GLB1L3: variants seen among roughly 807,000 people sequenced by gnomAD.
GLB1L3 encodes the protein beta-galactosidase-1-like protein 3.
GLB1L3 carries 89 observed loss-of-function variants against 89.5 expected under a neutral mutation model. That is an observed-to-expected ratio of 0.99 (90% CI 0.84 to 1.19). The LOEUF is 1.19. Ranked by LOEUF, GLB1L3 falls within the 50% of genes most tolerant of loss-of-function variation. The probability of loss-of-function intolerance (pLI) is 0.00; values close to 1 mark genes in which losing one functional copy is unlikely to be tolerated. For missense variants in GLB1L3, 812 were observed against 813.3 expected (o/e 1.00, Z 0.02); for synonymous variants, 314 against 312.3 (o/e 1.01, Z -0.06).
rs765838500 is a variant in GLB1L3, at chr11:134,293,111, A to G, written c.812-34A>G. On this transcript the variant is annotated intron_variant, in intron 8 of 19. Transcript: ENST00000431683. ...TCCCTTCCCTGACAGCACTTGTCTCATGCCTCAGCTGGGTCTCTCTCTTCT... is the reference window on the plus strand; with the variant it reads ...TCCCTTCCCTGACAGCACTTGTCTCGTGCCTCAGCTGGGTCTCTCTCTTCT... 5.0e-6 allele frequency: 8 copies of G among 1,594,730 alleles called. No individual in the cohort carries two copies. The South Asian group carries it at 6.6e-5, about 13-fold the overall frequency.
intron 9 of GLB1L3, among the ~76,000 whole-genome samples, chr11:134,293,567 G>A (rs1485870149): frequency 1.3e-5 from 2 of 152,212 alleles, no homozygotes; most frequent in Non-Finnish European, 2.9e-5. Flanking sequence ...AGCCTTTCCC[G>A]CCACAGCTTA....
At chr11:134,301,715 G>T (rs1941958381) in intron 9 of GLB1L3, among the ~76,000 whole-genome samples, 1 of 151,822 alleles carries the variant, frequency 6.6e-6, no homozygotes, top group Non-Finnish European at 1.5e-5. Context: ...CATTTTATCT[G>T]TATGTTTTAT....
intron 16 of GLB1L3, 36 bp from the exon 17 acceptor site, chr11:134,313,905 C>A: frequency 1.5e-6 from 2 of 1,317,888 alleles, no homozygotes; most frequent in Non-Finnish European, 2.2e-6. Flanking sequence ...AGTCCTGGCT[C>A]ATATTCTCTT....
At chr11:134,308,312 TACC>T (rs1161364321) in intron 10 of GLB1L3, among the ~76,000 whole-genome samples, 3 of 19,646 alleles carry the variant, frequency 1.5e-4, no homozygotes, top group African/African-American at 5.3e-4. Flanking sequence ...CCACCACCAC[TACC>T]ACCACCATCA....
Position 134,282,026 on chromosome 11 carries a change from G to A in GLB1L3, c.433G>A (p.Ala145Thr), listed in dbSNP as rs1591533477. The change falls in exon 5 of 20, where the codon GCC (alanine) becomes ACC (threonine). Residue 145 changes from alanine (A) to threonine (T), a missense_variant and splice_region_variant. Around this residue, in one of 3 missense-constraint regions of GLB1L3, gnomAD observed 191 missense variants for 191.4 expected, o/e 1.00. Coordinates refer to ENST00000431683, the MANE Select transcript of GLB1L3 (RefSeq NM_001080407.3). ...GGCTGACGATGTGGACCTCCCTAGG[G>A]CCTTCGTCCTGATGGCCGCAGAGAT... ...FDFSGNLDLE[A>T]FVLMAAEIGL... 1.3e-6 allele frequency: 2 copies of A among 1,569,902 alleles called. No homozygotes were observed. The highest frequency in any genetic ancestry group is 2.3e-5 in the East Asian group (1 of 43,566).
intron 10 of GLB1L3, among the ~76,000 whole-genome samples, chr11:134,307,640 A>G (rs540718422): frequency 2.0e-5 from 3 of 151,858 alleles, no homozygotes; most frequent in South Asian, 2.1e-4. Flanking sequence ...GGCATTGTCA[A>G]CTAAGCACTA....
intron 3 of GLB1L3, among the ~76,000 whole-genome samples, chr11:134,280,149 T>C (rs928845557): frequency 1.3e-5 from 2 of 152,040 alleles, no homozygotes; most frequent in Non-Finnish European, 2.9e-5. Flanking sequence ...TATTAGCTAT[T>C]TGGGAATACG....
chr11:134,277,449 T>C lies in GLB1L3; in HGVS notation c.147T>C (p.Pro49=), dbSNP rs753628808. 1 of 1,611,950 alleles carries C rather than the reference T, an allele frequency of 6.2e-7. No individual in the cohort carries two copies. The highest frequency in any genetic ancestry group is 8.5e-7 in the Non-Finnish European group (1 of 1,178,710). The change falls in exon 2 of 20, where the codon CCT becomes CCC. Residue 49 remains proline (P), a splice_region_variant and synonymous_variant. Coordinates refer to ENST00000431683, the MANE Select transcript of GLB1L3 (RefSeq NM_001080407.3). ...FMLGRAHPSQ[P]RFNWSHLTPL... is the part of the protein sequence containing the mutation. ...TTGGAAGAGCGCATCCGTCCCAGCC[T>C]AGGTTTGCTTGAGAGCTACATCCCT...
intron 6 of GLB1L3, among the ~76,000 whole-genome samples, chr11:134,288,269 G>A (rs1478071208): frequency 6.6e-6 from 1 of 152,176 alleles, no homozygotes; most frequent in Non-Finnish European, 1.5e-5. Context: ...AATGAGGAGA[G>A]TGGGAAGAGG....
At chr11:134,311,306 A>G in intron 13 of GLB1L3, 136 bp downstream of exon 13, 1 of 726,336 alleles carries the variant, frequency 1.4e-6, no homozygotes, top group Non-Finnish European at 2.4e-6. Flanking sequence ...GTGGGACAAG[A>G]GCCACCAGCT....
Position 134,277,782 on chromosome 11 carries a change from C to A in GLB1L3, c.232C>A (p.Pro78Thr), listed in dbSNP as rs1235394040. ...LGTESTGRGK[P>T]HFTLEGHKFL... ...AACTGAAAGCACAGGTCGGGGTAAG[C>A]CCCACTTCACACTGGAGGGCCACAA... The change falls in exon 3 of 20, where the codon CCC becomes ACC. Residue 78 changes from proline (P) to threonine (T), a missense_variant. Transcript: ENST00000431683. 1 of 1,613,918 alleles carries A rather than the reference C, an allele frequency of 6.2e-7. No homozygotes were observed. Among genetic ancestry groups the A allele is most frequent in the Non-Finnish European group, 8.5e-7 (1 of 1,180,018 alleles).
Position 134,308,259 on chromosome 11 carries a change from C to T in GLB1L3, c.961+1051C>T, listed in dbSNP as rs1279195671. Among the ~76,000 whole-genome samples, 159 of 31,370 alleles carry T rather than the reference C, an allele frequency of 5.1e-3. 1 individual carries two copies. Among genetic ancestry groups the T allele is most frequent in the African/African-American group, 0.012 (58 of 5,038 alleles). The allele number at this position is 31,370 out of a possible 152,430, so 20.6% of individuals were successfully genotyped here. On this transcript the variant is annotated intron_variant, in intron 10 of 19. Transcript: ENST00000431683. Reference sequence around the variant, plus strand: ...ACCATCACCATCACCACCATCACCACCACCACCACCACCACCACCACCAAA... The same window carrying T: ...ACCATCACCATCACCACCATCACCATCACCACCACCACCACCACCACCAAA...
At chr11:134,315,498 T>G (rs571459400) in intron 18 of GLB1L3, among the ~76,000 whole-genome samples, 1 of 152,322 alleles carries the variant, frequency 6.6e-6, no homozygotes, top group East Asian at 1.9e-4. Context: ...ATTGAAAGAT[T>G]AAAGTACTAT....
At chr11:134,324,119 G>A (rs987059298), downstream of GLB1L3, among the ~76,000 whole-genome samples, 5 of 152,148 alleles carry the variant, frequency 3.3e-5, no homozygotes, top group Non-Finnish European at 7.3e-5. Context: ...TTGGGTTGCT[G>A]TGCTATACTC....
At chr11:134,286,419 ATGTGTC>A (rs1051663072) in intron 6 of GLB1L3, among the ~76,000 whole-genome samples, 3 of 152,188 alleles carry the variant, frequency 2.0e-5, no homozygotes, top group African/African-American at 7.2e-5. Flanking sequence ...CTGAAGCTGT[ATGTGTC>A]TGTTTGCATT....
rs966174363 is a variant in GLB1L3 at position 134,310,603 on chromosome 11, T to G, written c.1132T>G (p.Tyr378Asp). The G allele has an allele frequency of 3.1e-6, 5 of 1,613,476 alleles. No homozygotes were observed. In the African/African-American group the frequency reaches 5.3e-5, roughly 17 times the overall value. ...YDAVLTEAGD[Y>D]TEKYLKLQKL... is the part of the protein sequence containing the mutation. ...TGCAGTGCTCACGGAGGCTGGAGAT[T>G]ACACAGAAAAATATCTGAAGCTTCA... The change falls in exon 12 of 20, where the codon TAC (tyrosine) becomes GAC (aspartate). Residue 378 changes from tyrosine (Y) to aspartate (D), a missense_variant. Coordinates refer to ENST00000431683, the MANE Select transcript of GLB1L3 (RefSeq NM_001080407.3).
At chr11:134,324,337 A>G (rs900310902), downstream of GLB1L3, among the ~76,000 whole-genome samples, 6 of 152,200 alleles carry the variant, frequency 3.9e-5, no homozygotes, top group Non-Finnish European at 5.9e-5. Context: ...TTTTAGTAGC[A>G]TGTTTTGTAG....
At chr11:134,306,883 G>A (rs543687357) in intron 9 of GLB1L3, among the ~76,000 whole-genome samples, 5 of 152,210 alleles carry the variant, frequency 3.3e-5, no homozygotes, top group Non-Finnish European at 7.3e-5. Context: ...GGTGCTTTCC[G>A]GGTATAGTAG....
chr11:134,282,448 G>A (rs1002688420), intron 5 of GLB1L3, among the ~76,000 whole-genome samples: 10 of 152,130 alleles, frequency 6.6e-5, no homozygotes, highest in African/African-American at 1.9e-4. Context: ...ATGCAGGAGG[G>A]GCTGTAGCCT....
Sources: allele counts gnomAD v4.1 joint callset (sites outside exome capture counted in the v4.1 genomes callset), GRCh38; gene constraint gnomAD v4.1.1; regional missense constraint gnomAD v4.1.1; transcripts MANE v1.5; gene names NCBI Gene and HGNC (gene_info 2026-07-23, HGNC 2026-07-21).